The following CXXC4 variants were observed in gnomAD, a reference collection of about 807,000 sequenced individuals.
CXXC4 encodes the protein CXXC-type zinc finger protein 4.
A neutral mutation model predicts 20.5 loss-of-function variants in CXXC4; 5 were observed. The ratio of observed to expected loss-of-function variants is 0.24; its 90% CI spans 0.13 to 0.51. The LOEUF (loss-of-function observed/expected upper bound fraction) is 0.51, where lower values mean the gene tolerates loss of function less well. Ranked by LOEUF, CXXC4 falls within the 20% of genes least tolerant of loss-of-function variation. The probability of loss-of-function intolerance (pLI) is 0.97; values close to 1 mark genes in which losing one functional copy is unlikely to be tolerated. For synonymous variants in CXXC4, 250 were observed against 216.4 expected (o/e 1.16, Z -1.36); for missense variants, 419 against 496.4 (o/e 0.84, Z 1.48).
At chr4:104,494,660 G>T (rs1425617328) in intron 1 of CXXC4, 41 bp downstream of exon 1, 1 of 10,200 alleles carries the variant, frequency 9.8e-5, no homozygotes, top group Non-Finnish European at 7.6e-4. Flanking sequence ...CAAACTGTTG[G>T]GGGGGGGGGG....
intron 2 of CXXC4, among the ~76,000 whole-genome samples, chr4:104,484,287 T>C (rs753854513): frequency 1.4e-4 from 21 of 151,998 alleles, no homozygotes; most frequent in Non-Finnish European, 2.7e-4. Flanking sequence ...TTCAGAGAAG[T>C]TATGCTGATG....
At position 104,491,225 on chromosome 4, in the gene CXXC4, G is replaced by A; in HGVS notation, c.578C>T (p.Ala193Val). The stretch of plus-strand genomic sequence containing the variant: ...TAAGGTGGAGAGGAAATTAGTATTT[G>A]CCATTTGCAACGACGGCTCTGGCGG... ...GCPPEPSLQMANTNFLSTLSP... is the reference protein window; with the variant it reads ...GCPPEPSLQMVNTNFLSTLSP... The change falls in exon 2 of 3, where the codon GCA becomes GTA. Residue 193 changes from alanine to valine, a missense_variant. Physicochemically the swap from Ala to Val is moderately conservative, Grantham distance 64. Coordinates refer to ENST00000394767, the MANE Select transcript of CXXC4 (RefSeq NM_025212.4). 6.2e-7 allele frequency: 1 copy of A among 1,613,336 alleles called. No homozygotes were observed. The highest frequency in any genetic ancestry group is 8.5e-7 in the Non-Finnish European group (1 of 1,179,900).
intron 2 of CXXC4, among the ~76,000 whole-genome samples, chr4:104,480,402 T>C (rs1185848021): frequency 2.6e-5 from 4 of 152,182 alleles, no homozygotes; most frequent in African/African-American, 4.8e-5. Context: ...ACTTAAAAAG[T>C]ACACTGACAT....
rs1353749592 is a variant in CXXC4, at chr4:104,469,681, C to T, written c.*2641G>A. The T allele has an allele frequency of 6.6e-6, 1 of 151,890 alleles. No individual in the cohort carries two copies. The highest frequency in any genetic ancestry group is 1.9e-4 in the East Asian group (1 of 5,180). The allele number at this position is 151,890 out of a possible 1,614,324, so 9.4% of individuals were successfully genotyped here. ...AGAGTCATCTCTTTCTTCAACATCA[C>T]CAATGAGAACTTTATATGCATCCTA... is the stretch of plus-strand genomic sequence containing the variant. On this transcript the variant is annotated 3_prime_UTR_variant, in exon 3 of 3. Coordinates refer to ENST00000394767, the MANE Select transcript of CXXC4 (RefSeq NM_025212.4).
chr4:104,473,147 TAACA>T (rs767929213), intron 2 of CXXC4, among the ~76,000 whole-genome samples: 14 of 149,712 alleles, frequency 9.4e-5, no homozygotes, highest in Non-Finnish European at 1.8e-4. Flanking sequence ...GACAGAATAA[TAACA>T]AATATCAATA....
chr4:104,479,807 G>A (rs1031841192), intron 2 of CXXC4, among the ~76,000 whole-genome samples: 15 of 103,234 alleles, frequency 1.5e-4, no homozygotes, highest in South Asian at 1.1e-3. Flanking sequence ...CCGTCCTTCC[G>A]TCCTTCCTTC....
At chr4:104,483,762 T>C (rs1232252191) in intron 2 of CXXC4, among the ~76,000 whole-genome samples, 1 of 151,932 alleles carries the variant, frequency 6.6e-6, no homozygotes, top group Non-Finnish European at 1.5e-5. Flanking sequence ...AATAAAAGTA[T>C]TGGGTTAGTA....
In CXXC4 at chr4:104,491,157, T is replaced by C; in HGVS notation, c.646A>G (p.Lys216Glu). The C allele has an allele frequency of 6.2e-7, 1 of 1,613,982 alleles. No individual in the cohort carries two copies. Among genetic ancestry groups the C allele is most frequent in the Non-Finnish European group, 8.5e-7 (1 of 1,179,980 alleles). Residue 216 changes from lysine (K) to glutamate (E), a missense_variant, in exon 2 of 3, where the codon AAG becomes GAG. Transcript: ENST00000394767. ...CRPLAGECMN[K>E]LKCGAAEAEI... ...GCTTCAGCAGCGCCGCATTTGAGCTTGTTCATGCATTCCCCCGCCAAAGGT... is the reference window on the plus strand; with the variant it reads ...GCTTCAGCAGCGCCGCATTTGAGCTCGTTCATGCATTCCCCCGCCAAAGGT...
chr4:104,472,371 A>G lies in CXXC4; in HGVS notation c.1060-5T>C, dbSNP rs1736298638. 8 of 1,592,652 alleles carry G rather than the reference A, an allele frequency of 5.0e-6. No individual in the cohort carries two copies. Among genetic ancestry groups the G allele is most frequent in the Non-Finnish European group, 6.9e-6 (8 of 1,167,058 alleles). On this transcript the variant is annotated splice_polypyrimidine_tract_variant and splice_region_variant and intron_variant, in intron 2 of 2. Coordinates refer to ENST00000394767, the MANE Select transcript of CXXC4 (RefSeq NM_025212.4). ...AGCGCTGGGAACAGGTGTTCTCTAT[A>G]AAAAAAGAGCAAGAAAACAAGTTAA...
intron 2 of CXXC4, among the ~76,000 whole-genome samples, chr4:104,478,245 C>T (rs1397459689): frequency 6.6e-6 from 1 of 152,172 alleles, no homozygotes; most frequent in Non-Finnish European, 1.5e-5. Flanking sequence ...ACCACTGTGA[C>T]AGCATGATTT....
intron 1 of CXXC4, among the ~76,000 whole-genome samples, chr4:104,493,354 T>A (rs1466895684): frequency 6.6e-6 from 1 of 152,182 alleles, no homozygotes; most frequent in Non-Finnish European, 1.5e-5. Flanking sequence ...GCCCATAGAT[T>A]GGTCTAGAAT....
chr4:104,469,820 G>T lies in CXXC4; in HGVS notation c.*2502C>A, dbSNP rs751274609. On this transcript the variant is annotated 3_prime_UTR_variant, in exon 3 of 3. Transcript: ENST00000394767. ...TGAAAAGCTACACTTTCTCATTTCA[G>T]TAATCAACAAATTTTCTTTCATTAA... is the stretch of plus-strand genomic sequence containing the variant. 6.6e-6 allele frequency: 1 copy of T among 151,898 alleles called. No homozygotes were observed. The highest frequency in any genetic ancestry group is 1.5e-5 in the Non-Finnish European group (1 of 67,928). 9.4% of individuals were successfully genotyped at this position (151,898 alleles called of 1,614,324 possible). A position where few individuals can be genotyped will look rare whatever the true frequency, so the allele number is the denominator to read the frequency against.
Position 104,478,939 on chromosome 4 carries a change from T to C in CXXC4, c.1060-6573A>G, listed in dbSNP as rs534698636. ...TGTTCATATTTCATTTGCATGTATA[T>C]ATATGTATAAATATATATGGTTATA... On this transcript the variant is annotated intron_variant, in intron 2 of 2. Transcript: ENST00000394767. Among the ~76,000 whole-genome samples the C allele has an allele frequency of 1.3e-4, 20 of 152,174 alleles. No homozygotes were observed. In the South Asian group the frequency reaches 3.7e-3, roughly 28 times the overall value.
At chr4:104,485,369 ACAAATG>A (rs1301353056) in intron 2 of CXXC4, among the ~76,000 whole-genome samples, 2 of 152,134 alleles carry the variant, frequency 1.3e-5, no homozygotes, top group African/African-American at 4.8e-5. Flanking sequence ...TTTCTATATG[ACAAATG>A]CAAGAGTTTA....
Position 104,471,174 on chromosome 4 carries a change from T to C in CXXC4, c.*1148A>G, listed in dbSNP as rs4475153. 0.5 allele frequency: 75,785 copies of C among 151,898 alleles called. 21,838 individuals are homozygous for C. Among genetic ancestry groups the C allele is most frequent in the Non-Finnish European group, 0.64 (43,704 of 67,890 alleles). The allele number at this position is 151,898 out of a possible 1,614,324, so 9.4% of individuals were successfully genotyped here. ...CACTTTTATGAATATGTTTAATTCT[T>C]TGTAAATTAAAAATATATCAAGCCC... On this transcript the variant is annotated 3_prime_UTR_variant, in exon 3 of 3. Transcript: ENST00000394767.
intron 1 of CXXC4, among the ~76,000 whole-genome samples, chr4:104,492,840 A>G (rs970197756): frequency 2.6e-5 from 4 of 152,088 alleles, no homozygotes; most frequent in Non-Finnish European, 5.9e-5. Context: ...TTTTTAAGGT[A>G]GAAAATAAAG....
At chr4:104,475,625 G>T (rs1736382841) in intron 2 of CXXC4, among the ~76,000 whole-genome samples, 2 of 152,128 alleles carry the variant, frequency 1.3e-5, no homozygotes, top group Non-Finnish European at 2.9e-5. Flanking sequence ...GGTTATCCTT[G>T]TAAGAAGACT....
intron 2 of CXXC4, among the ~76,000 whole-genome samples, chr4:104,476,963 T>C (rs190634820): frequency 6.6e-6 from 1 of 152,288 alleles, no homozygotes; most frequent in Admixed American, 6.5e-5. Context: ...TACCACCTAC[T>C]GTATAACCTT....
intron 2 of CXXC4, chr4:104,475,138 T>C (rs1054645763): frequency 6.6e-6 from 1 of 152,140 alleles, no homozygotes; most frequent in African/African-American, 2.4e-5. Flanking sequence ...GAGACCAGTA[T>C]GCATCCCCAG....
Sources: allele counts gnomAD v4.1 joint callset (sites outside exome capture counted in the v4.1 genomes callset), GRCh38; gene constraint gnomAD v4.1.1; transcripts MANE v1.5; gene names NCBI Gene and HGNC (gene_info 2026-07-23, HGNC 2026-07-21).